The following ATP23 variants were observed in gnomAD, a reference collection of about 807,000 sequenced individuals.
ATP23 encodes mitochondrial inner membrane protease ATP23 homolog.
ATP23 carries 24 observed loss-of-function variants against 28.5 expected under a neutral mutation model. The observed-to-expected ratio is 0.84, with a 90% CI of 0.61 to 1.18. The LOEUF (loss-of-function observed/expected upper bound fraction) is 1.18. Ranked by LOEUF, ATP23 falls within the 50% of genes most tolerant of loss-of-function variation. The pLI is 0.00. For synonymous variants in ATP23, 99 were observed against 108.6 expected, an observed-to-expected ratio of 0.91 and a Z score of 0.55; for missense variants, 274 against 306.4, an observed-to-expected ratio of 0.89 and a Z score of 0.79.
In ATP23 at chr12:57,941,659, C is replaced by T; in HGVS notation, c.-43C>T. On this transcript the variant is annotated 5_prime_UTR_variant, in exon 1 of 6. Coordinates refer to ENST00000300145, the MANE Select transcript of ATP23 (RefSeq NM_033276.4). Reference sequence around the variant, plus strand: ...GTTACCTTTCCCAGTCTCGCTCTGGCCGCCTGAGCCAGGAGGAAGCAGCGG... The same window carrying T: ...GTTACCTTTCCCAGTCTCGCTCTGGTCGCCTGAGCCAGGAGGAAGCAGCGG... 1 of 1,585,536 alleles carries T rather than the reference C, an allele frequency of 6.3e-7. No homozygotes were observed. Among genetic ancestry groups the T allele is most frequent in the South Asian group, 1.1e-5 (1 of 88,446 alleles).
At position 57,951,871 on chromosome 12, in the gene ATP23, C is replaced by T. The variant is rs779781817; in HGVS notation, c.429C>T (p.Asn143=). The T allele has an allele frequency of 1.2e-6, 2 of 1,614,178 alleles. No individual in the cohort carries two copies. The highest frequency in any genetic ancestry group is 1.1e-5 in the South Asian group (1 of 91,082). Residue 143 remains asparagine (N), a synonymous_variant, in exon 4 of 6, where the codon AAC becomes AAT. Coordinates refer to ENST00000300145, the MANE Select transcript of ATP23 (RefSeq NM_033276.4). ...GTGCCCATGTCGACTGGTTCACCAACATCAGACATTTGGCGTGCTCAGAGG... is the reference window on the plus strand; with the variant it reads ...GTGCCCATGTCGACTGGTTCACCAATATCAGACATTTGGCGTGCTCAGAGG... ...HCRAHVDWFT[N]IRHLACSEVR... is the part of the protein sequence containing the mutation.
At chr12:57,952,045 A>G in intron 4 of ATP23, 150 bp downstream of exon 4, 1 of 948,718 alleles carries the variant, frequency 1.1e-6, no homozygotes, top group East Asian at 2.6e-5. Flanking sequence ...ACCATTTTTG[A>G]TATACAGTTA....
intron 1 of ATP23, among the ~76,000 whole-genome samples, chr12:57,942,376 A>G (rs1956713701): frequency 6.6e-6 from 1 of 151,996 alleles, no homozygotes; most frequent in South Asian, 2.1e-4. Flanking sequence ...GAAATCCCTG[A>G]AATGGTCTGT....
At chr12:57,947,209 C>A in intron 3 of ATP23, 133 bp downstream of exon 3, 1 of 762,620 alleles carries the variant, frequency 1.3e-6, no homozygotes, top group Non-Finnish European at 2.1e-6. Context: ...GTTATCCTTA[C>A]TCTAAGGAGT....
At chr12:57,946,631 T>C (rs1009793932) in intron 2 of ATP23, among the ~76,000 whole-genome samples, 5 of 147,266 alleles carry the variant, frequency 3.4e-5, no homozygotes, top group Admixed American at 1.3e-4. Context: ...AATTTTGTAT[T>C]TTTAGTAGAG....
rs1956870434 is a variant in ATP23 at position 57,956,707 on chromosome 12, C to T, written c.558C>T (p.Ala186=). Residue 186 remains alanine, a synonymous_variant, in exon 6 of 6, where the codon GCC becomes GCT. Transcript: ENST00000300145. ...TTTAGACTTGTGTGCGAGACAGAGC[C>T]ACTCTTTCTATCCTGGCTGTTAGGA... ...QHHQTCVRDR[A]TLSILAVRNI... 6.2e-7 allele frequency: 1 copy of T among 1,613,000 alleles called. No individual in the cohort carries two copies. Among genetic ancestry groups the T allele is most frequent in the Admixed American group, 1.7e-5 (1 of 59,840 alleles).
At position 57,958,274 on chromosome 12, in the gene ATP23, C is replaced by T. The variant is rs934762145; in HGVS notation, c.*1384C>T. On this transcript the variant is annotated 3_prime_UTR_variant, in exon 6 of 6. Coordinates refer to ENST00000300145, the MANE Select transcript of ATP23 (RefSeq NM_033276.4). ...AGCTCAGACATGTCTATCCCTGCCCCGACCTGATGTTCCTTCCCTACCCAC... is the reference window on the plus strand; with the variant it reads ...AGCTCAGACATGTCTATCCCTGCCCTGACCTGATGTTCCTTCCCTACCCAC... 2.8e-4 allele frequency among the ~76,000 whole-genome samples: 42 copies of T among 152,218 alleles called. No individual in the cohort carries two copies. Among genetic ancestry groups the T allele is most frequent in the Admixed American group, 7.8e-4 (12 of 15,300 alleles).
Position 57,956,943 on chromosome 12 carries a change from AT to A in ATP23, c.*56del. 6.7e-7 allele frequency: 1 copy of A among 1,500,508 alleles called. No homozygotes were observed. The highest frequency in any genetic ancestry group is 8.9e-7 in the Non-Finnish European group (1 of 1,121,690). The allele number at this position is 1,500,508 out of a possible 1,614,324, so 92.9% of individuals were successfully genotyped here. Reference sequence around the variant, plus strand: ...CTTCCATCATCATGAAGAAAAAAAAATTTGGTTCTCAAGTGAACAAACATAT... The same window carrying A: ...CTTCCATCATCATGAAGAAAAAAAAATTGGTTCTCAAGTGAACAAACATAT... On this transcript the variant is annotated 3_prime_UTR_variant, in exon 6 of 6. Coordinates refer to ENST00000300145, the MANE Select transcript of ATP23 (RefSeq NM_033276.4).
At chr12:57,946,972 T>C (rs746152729) in intron 2 of ATP23, 23 bp from the exon 3 acceptor site, 2 of 1,612,136 alleles carry the variant, frequency 1.2e-6, no homozygotes, top group South Asian at 1.1e-5. Flanking sequence ...TTCTGGACAT[T>C]GTCTCCTTTT....
Position 57,951,810 on chromosome 12 carries a change from T to C in ATP23, c.368T>C (p.Val123Ala). The C allele has an allele frequency of 6.2e-7, 1 of 1,614,192 alleles. No homozygotes were observed. The highest frequency in any genetic ancestry group is 1.3e-5 in the African/African-American group (1 of 75,038). ...AATCAGGCCCATATGAACAGAGTGG[T>C]CACACACGAGCTTATTCATGCATTT... Reference protein sequence around the residue: ...IHNQAHMNRVVTHELIHAFDH... With the variant: ...IHNQAHMNRVATHELIHAFDH... The change falls in exon 4 of 6, where the codon GTC becomes GCC. Residue 123 changes from valine (V) to alanine (A), a missense_variant. Transcript: ENST00000300145.
At chr12:57,945,026 C>T (rs1474327886) in intron 1 of ATP23, among the ~76,000 whole-genome samples, 1 of 152,150 alleles carries the variant, frequency 6.6e-6, no homozygotes, top group Non-Finnish European at 1.5e-5. Context: ...AAGAATGTGG[C>T]CCTAGATTCC....
intron 1 of ATP23, among the ~76,000 whole-genome samples, chr12:57,944,769 AG>A (rs1161024472): frequency 1.3e-5 from 2 of 152,246 alleles, no homozygotes; most frequent in African/African-American, 4.8e-5. Context: ...AATACTTGAA[AG>A]TAGTGTGGTC....
chr12:57,956,590 A>G, intron 5 of ATP23, 97 bp from the exon 6 acceptor site: 1 of 931,232 alleles, frequency 1.1e-6, no homozygotes, highest in Non-Finnish European at 1.5e-6. Flanking sequence ...AATATGAGGA[A>G]ATTAATTTTA....
chr12:57,949,323 C>A (rs761917257), intron 3 of ATP23, among the ~76,000 whole-genome samples: 1 of 152,132 alleles, frequency 6.6e-6, no homozygotes, highest in African/African-American at 2.4e-5. Flanking sequence ...ATGTCAAAGT[C>A]CCTCAATCCT....
In ATP23 at chr12:57,956,759, G is replaced by C. The variant is rs748437126; in HGVS notation, c.610G>C (p.Ala204Pro). 3 of 1,613,846 alleles carry C rather than the reference G, an allele frequency of 1.9e-6. No individual in the cohort carries two copies. The highest frequency in any genetic ancestry group is 1.7e-5 in the Admixed American group (1 of 59,996). The change falls in exon 6 of 6, where the codon GCT becomes CCT. Residue 204 changes from alanine to proline, a missense_variant. Ala to Pro is a conservative substitution (Grantham distance 27). Transcript: ENST00000300145. ...RNISKEVAKK[A>P]VDEVFESCFN... ...TATCAGCAAAGAAGTAGCTAAAAAG[G>C]CTGTTGATGAAGTTTTTGAATCTTG...
At chr12:57,956,635 G>A (rs948739806) in intron 5 of ATP23, 52 bp from the exon 6 acceptor site, 25 of 1,276,294 alleles carry the variant, frequency 2.0e-5, no homozygotes, top group Middle Eastern at 3.9e-4. Flanking sequence ...GTATTATTTC[G>A]TGATTAAATG....
Position 57,947,033 on chromosome 12 carries a change from G to C in ATP23, c.272G>C (p.Cys91Ser). ...NKDRHFSCED[C>S]NGNVSGGFDA... is the part of the protein sequence containing the mutation. ...GATAGACACTTTTCTTGCGAAGACTGTAATGGAAATGTCAGTGGAGGTTTT... is the reference window on the plus strand; with the variant it reads ...GATAGACACTTTTCTTGCGAAGACTCTAATGGAAATGTCAGTGGAGGTTTT... Residue 91 changes from cysteine to serine, a missense_variant, in exon 3 of 6, where the codon TGT (cysteine) becomes TCT (serine). Physicochemically the swap from Cys to Ser is moderately radical, Grantham distance 112. Transcript: ENST00000300145. 6.2e-7 allele frequency: 1 copy of C among 1,614,056 alleles called. No homozygotes were observed. The highest frequency in any genetic ancestry group is 8.5e-7 in the Non-Finnish European group (1 of 1,179,988).
intron 5 of ATP23, 28 bp from the exon 6 acceptor site, chr12:57,956,659 A>T: frequency 6.7e-7 from 1 of 1,497,022 alleles, no homozygotes; most frequent in Non-Finnish European, 9.0e-7. Flanking sequence ...ATATAAAATT[A>T]GAGCCTCATA....
intron 1 of ATP23, 81 bp from the exon 2 acceptor site, chr12:57,945,547 G>A: frequency 8.0e-7 from 1 of 1,256,030 alleles, no homozygotes; most frequent in Non-Finnish European, 1.2e-6. Context: ...GTTACTTTTT[G>A]ATAATATCTT....
Sources: allele counts gnomAD v4.1 joint callset (sites outside exome capture counted in the v4.1 genomes callset), GRCh38; gene constraint gnomAD v4.1.1; transcripts MANE v1.5; gene names NCBI Gene and HGNC (gene_info 2026-07-23, HGNC 2026-07-21).